LRRC7: variants seen among roughly 807,000 people sequenced by gnomAD.
LRRC7 encodes leucine-rich repeat-containing protein 7.
A neutral mutation model predicts 175.7 loss-of-function variants in LRRC7; 23 were observed. The observed-to-expected ratio is 0.13, with a 90% CI of 0.09 to 0.19. LRRC7 has a LOEUF of 0.19. LRRC7 is among the 10% of genes least tolerant of loss of function. The pLI is 1.00. For missense variants in LRRC7, 1,354 were observed against 1,904.7 expected, an observed-to-expected ratio of 0.71 and a Z score of 5.38; for synonymous variants, 685 against 680.9, an observed-to-expected ratio of 1.01 and a Z score of -0.09.
chr1:69,630,929 C>T (rs1652393442), intron 1 of LRRC7, among the ~76,000 whole-genome samples: 1 of 151,990 alleles, frequency 6.6e-6, no homozygotes, highest in African/African-American at 2.4e-5. Flanking sequence ...ATAGCCAGAT[C>T]TGTAACTTCT....
At position 70,006,885 on chromosome 1, in the gene LRRC7, T is replaced by A. The variant is rs568202771; in HGVS notation, c.1005-4912T>A. ...TAAAGAATATTACAAGGGATACAAA[T>A]GAGCAGCCACATGAACAGGTACAAA... On this transcript the variant is annotated intron_variant, in intron 11 of 26. Coordinates refer to ENST00000651989, the MANE Select transcript of LRRC7 (RefSeq NM_001370785.2). Among the ~76,000 whole-genome samples, 61 of 152,232 alleles carry A rather than the reference T, an allele frequency of 4.0e-4. No homozygotes were observed. In the South Asian group the frequency reaches 0.012, roughly 31 times the overall value.
At chr1:70,084,404 A>G (rs575275320) in intron 24 of LRRC7, among the ~76,000 whole-genome samples, 1 of 152,326 alleles carries the variant, frequency 6.6e-6, no homozygotes, top group Non-Finnish European at 1.5e-5. Flanking sequence ...TATGAATGGG[A>G]TCATACAATA....
chr1:70,090,427 C>CT (rs970465907), intron 25 of LRRC7, among the ~76,000 whole-genome samples: 1 of 152,082 alleles, frequency 6.6e-6, no homozygotes, highest in African/African-American at 2.4e-5. Context: ...CACACCAACT[C>CT]TAACCTCAGC....
chr1:69,768,171 C>T (rs1393764570), intron 3 of LRRC7, among the ~76,000 whole-genome samples: 1 of 152,188 alleles, frequency 6.6e-6, no homozygotes, highest in Non-Finnish European at 1.5e-5. Flanking sequence ...TCCTCCCCAA[C>T]TCTTTAGAAA....
At chr1:69,811,104 G>A (rs909973548) in intron 4 of LRRC7, among the ~76,000 whole-genome samples, 2 of 152,166 alleles carry the variant, frequency 1.3e-5, no homozygotes, top group African/African-American at 4.8e-5. Flanking sequence ...CAAAATGTGG[G>A]TGAAGGATAT....
At chr1:69,654,390 C>T (rs1033158174) in intron 1 of LRRC7, among the ~76,000 whole-genome samples, 5 of 151,788 alleles carry the variant, frequency 3.3e-5, no homozygotes, top group African/African-American at 1.2e-4. Flanking sequence ...GATAGTTTAC[C>T]TTTTATTTCA....
chr1:70,035,581 G>C (rs1458960966), intron 18 of LRRC7, among the ~76,000 whole-genome samples: 1 of 136,908 alleles, frequency 7.3e-6, no homozygotes, highest in Non-Finnish European at 1.5e-5. Flanking sequence ...GGGAAGAGCA[G>C]GATTTATAGG....
intron 7 of LRRC7, among the ~76,000 whole-genome samples, chr1:69,862,918 GA>G (rs987349185): frequency 7.2e-5 from 11 of 151,852 alleles, no homozygotes; most frequent in African/African-American, 2.7e-4. Flanking sequence ...GCATGAGAAT[GA>G]AAGAAAGTAT....
intron 7 of LRRC7, chr1:69,919,975 G>T (rs752455048): frequency 3.7e-6 from 2 of 540,706 alleles, no homozygotes; most frequent in South Asian, 2.2e-5. Flanking sequence ...TCCAGACTGG[G>T]GGCCCTTCCA....
At chr1:69,697,463 G>T (rs756011664) in intron 2 of LRRC7, among the ~76,000 whole-genome samples, 4 of 152,074 alleles carry the variant, frequency 2.6e-5, no homozygotes, top group African/African-American at 9.7e-5. Flanking sequence ...TCACTACCCC[G>T]CTGTGGGCAA....
At chr1:69,916,281 C>CAT (rs1327822084) in intron 7 of LRRC7, among the ~76,000 whole-genome samples, 8 of 130,634 alleles carry the variant, frequency 6.1e-5, no homozygotes, top group Non-Finnish European at 9.4e-5. Flanking sequence ...AAATATATAT[C>CAT]ATATATATTA....
chr1:70,066,895 G>A (rs1204721494), intron 23 of LRRC7, among the ~76,000 whole-genome samples: 2 of 152,038 alleles, frequency 1.3e-5, no homozygotes, highest in East Asian at 1.9e-4. Flanking sequence ...CCTGCATTTG[G>A]TGTTGGCACT....
At chr1:70,014,305 T>A (rs1656784738) in intron 13 of LRRC7, among the ~76,000 whole-genome samples, 1 of 152,004 alleles carries the variant, frequency 6.6e-6, no homozygotes, top group Non-Finnish European at 1.5e-5. Context: ...GCAAATATTA[T>A]CAATGATCCA....
intron 23 of LRRC7, among the ~76,000 whole-genome samples, chr1:70,060,480 A>G (rs1185254637): frequency 6.6e-6 from 1 of 152,216 alleles, no homozygotes; most frequent in African/African-American, 2.4e-5. Context: ...TTAACTGAGA[A>G]TAGGCATTGT....
chr1:69,634,716 A>G (rs948551734), intron 1 of LRRC7, among the ~76,000 whole-genome samples: 1 of 152,040 alleles, frequency 6.6e-6, no homozygotes, highest in Non-Finnish European at 1.5e-5. Flanking sequence ...AATTCCTGTG[A>G]CCACCTTTCT....
chr1:69,989,895 GAGCTT>G (rs1557962894), intron 10 of LRRC7, among the ~76,000 whole-genome samples: 1 of 152,076 alleles, frequency 6.6e-6, no homozygotes. Flanking sequence ...AGAACAAAAA[GAGCTT>G]ATCTACATAA....
chr1:70,133,162 A>C lies in LRRC7; in HGVS notation c.*11275A>C, dbSNP rs2102273490. Among the ~76,000 whole-genome samples the C allele has an allele frequency of 6.6e-6, 1 of 152,100 alleles. No homozygotes were observed. The highest frequency in any genetic ancestry group is 2.1e-4 in the South Asian group (1 of 4,832). Reference sequence around the variant, plus strand: ...ACCTCATATCTACATTTTAAATCCCAGCCTTGGCAATTCTCTGGCTTGGGG... The same window carrying C: ...ACCTCATATCTACATTTTAAATCCCCGCCTTGGCAATTCTCTGGCTTGGGG... On this transcript the variant is annotated 3_prime_UTR_variant, in exon 27 of 27. Coordinates refer to ENST00000651989, the MANE Select transcript of LRRC7 (RefSeq NM_001370785.2).
At chr1:69,593,901 C>T (rs1193841275) in intron 1 of LRRC7, among the ~76,000 whole-genome samples, 3 of 152,136 alleles carry the variant, frequency 2.0e-5, no homozygotes, top group African/African-American at 7.2e-5. Context: ...CACAATTGAC[C>T]TTAACTCCCT....
chr1:70,015,710 A>C (rs1395836389), intron 13 of LRRC7, among the ~76,000 whole-genome samples: 1 of 152,182 alleles, frequency 6.6e-6, no homozygotes, highest in Non-Finnish European at 1.5e-5. Flanking sequence ...TTTTGATTGA[A>C]TACCAAGGCT....
Sources: allele counts gnomAD v4.1 joint callset (sites outside exome capture counted in the v4.1 genomes callset), GRCh38; gene constraint gnomAD v4.1.1; transcripts MANE v1.5; gene names NCBI Gene and HGNC (gene_info 2026-07-23, HGNC 2026-07-21).